Variants in MKLN1 observed in about 807,000 individuals in gnomAD.
MKLN1 encodes muskelin 1.
In MKLN1, 18 loss-of-function variants were observed where a neutral mutation model predicts 99.0. The observed-to-expected ratio is 0.18, with a 90% CI of 0.13 to 0.27. The LOEUF (loss-of-function observed/expected upper bound fraction) is 0.27, where lower values mean the gene tolerates loss of function less well. Ranked by LOEUF, MKLN1 falls within the 10% of genes least tolerant of loss-of-function variation. The pLI is 1.00. For synonymous variants in MKLN1, 288 were observed against 293.2 expected, an observed-to-expected ratio of 0.98 and a Z score of 0.18; for missense variants, 621 against 875.9, an observed-to-expected ratio of 0.71 and a Z score of 3.67.
intron 3 of MKLN1, among the ~76,000 whole-genome samples, chr7:131,227,574 CT>C (rs1234304095): frequency 1.2e-4 from 17 of 137,138 alleles, no homozygotes; most frequent in Admixed American, 4.6e-4. Context: ...CTCTTTCTTT[CT>C]TTTTTTTTGA....
At chr7:131,392,522 T>C (rs1018910978) in intron 4 of MKLN1, among the ~76,000 whole-genome samples, 3 of 152,196 alleles carry the variant, frequency 2.0e-5, no homozygotes, top group Non-Finnish European at 4.4e-5. Flanking sequence ...AGTATACTTA[T>C]GTCATTAAAT....
intron 3 of MKLN1, among the ~76,000 whole-genome samples, chr7:131,228,370 G>A (rs1223740814): frequency 1.3e-5 from 2 of 151,318 alleles, no homozygotes; most frequent in Non-Finnish European, 3.0e-5. Flanking sequence ...TGACCACCTC[G>A]GCCTCCCAAA....
intron 3 of MKLN1, among the ~76,000 whole-genome samples, chr7:131,275,548 TATATATATATATATATATA>T (rs1797950571): frequency 3.6e-4 from 7 of 19,706 alleles, no homozygotes; most frequent in African/African-American, 1.2e-3. Context: ...TATATATATA[TATATATATATATATATATA>T]TTTTTTTTTT....
At chr7:131,459,126 A>G (rs1024841451) in intron 12 of MKLN1, among the ~76,000 whole-genome samples, 4 of 152,222 alleles carry the variant, frequency 2.6e-5, no homozygotes, top group Non-Finnish European at 5.9e-5. Context: ...GTAAAAGGCT[A>G]TGATTTAATG....
chr7:131,237,690 T>A (rs1462878679), intron 3 of MKLN1, among the ~76,000 whole-genome samples: 1 of 152,078 alleles, frequency 6.6e-6, no homozygotes, highest in Non-Finnish European at 1.5e-5. Context: ...TGAGTACCCA[T>A]TGAGTAGGAA....
chr7:131,129,622 G>A (rs540923308), intron 1 of MKLN1, among the ~76,000 whole-genome samples: 1 of 152,314 alleles, frequency 6.6e-6, no homozygotes, highest in Non-Finnish European at 1.5e-5. Flanking sequence ...CACCCAGGCT[G>A]GAGTGCAGTG....
chr7:131,430,559 C>A (rs911617636), intron 9 of MKLN1, among the ~76,000 whole-genome samples: 1 of 152,038 alleles, frequency 6.6e-6, no homozygotes, highest in African/African-American at 2.4e-5. Flanking sequence ...ATCCTAAAAT[C>A]CTCCCTCTTC....
At chr7:131,394,828 G>C (rs1794308567) in intron 4 of MKLN1, among the ~76,000 whole-genome samples, 1 of 151,968 alleles carries the variant, frequency 6.6e-6, no homozygotes, top group Non-Finnish European at 1.5e-5. Context: ...CTGCATCAGT[G>C]AATCTGTTGT....
chr7:131,303,528 T>G (rs1172272703), intron 3 of MKLN1, among the ~76,000 whole-genome samples: 3 of 152,254 alleles, frequency 2.0e-5, no homozygotes, highest in African/African-American at 7.2e-5. Flanking sequence ...AATGACAAAG[T>G]TGTAATGAGT....
At chr7:131,398,879 TACCTGC>T (rs1794442949) in intron 5 of MKLN1, among the ~76,000 whole-genome samples, 1 of 152,228 alleles carries the variant, frequency 6.6e-6, no homozygotes, top group Non-Finnish European at 1.5e-5. Flanking sequence ...GTGCTCTCAG[TACCTGC>T]ATTGTAATGG....
chr7:131,325,902 G>C (rs1327077404), upstream of MKLN1, among the ~76,000 whole-genome samples: 1 of 127,062 alleles, frequency 7.9e-6, no homozygotes, highest in Non-Finnish European at 1.9e-5. Flanking sequence ...GAGAAAAGTG[G>C]GGGGGGGGTG....
intron 2 of MKLN1, among the ~76,000 whole-genome samples, chr7:131,146,220 T>C (rs1038730659): frequency 1.2e-4 from 19 of 152,154 alleles, no homozygotes; most frequent in Admixed American, 1.0e-3. Context: ...TACACGCTTA[T>C]AGTCCCAGAT....
intron 2 of MKLN1, among the ~76,000 whole-genome samples, chr7:131,147,605 A>T (rs1183587910): frequency 2.0e-5 from 3 of 152,174 alleles, no homozygotes; most frequent in Non-Finnish European, 4.4e-5. Context: ...GTAGTTATTG[A>T]CATCATCACC....
At chr7:131,120,170 CAAAAAAAA>C (rs34545571) in intron 1 of MKLN1, among the ~76,000 whole-genome samples, 5 of 76,498 alleles carry the variant, frequency 6.5e-5, no homozygotes, top group Non-Finnish European at 9.0e-5. Context: ...GACTCCATCT[CAAAAAAAA>C]AAAAAAAAAA....
chr7:131,460,228 T>C (rs893601743), intron 12 of MKLN1, among the ~76,000 whole-genome samples: 1 of 152,232 alleles, frequency 6.6e-6, no homozygotes, highest in African/African-American at 2.4e-5. Context: ...GTTGTTCTAT[T>C]TGTTCATCTA....
intron 3 of MKLN1, among the ~76,000 whole-genome samples, chr7:131,250,406 T>C (rs1176287461): frequency 6.6e-6 from 1 of 152,130 alleles, no homozygotes; most frequent in Non-Finnish European, 1.5e-5. Context: ...TCCCACTAGC[T>C]AGAGAGGAAG....
chr7:131,299,798 CTA>C (rs1168888120), intron 3 of MKLN1, among the ~76,000 whole-genome samples: 3 of 152,092 alleles, frequency 2.0e-5, no homozygotes, highest in Non-Finnish European at 4.4e-5. Flanking sequence ...CATAGGAATG[CTA>C]TGTTTTCTAG....
chr7:131,157,936 C>T (rs1457514941), intron 2 of MKLN1, among the ~76,000 whole-genome samples: 6 of 152,140 alleles, frequency 3.9e-5, no homozygotes, highest in African/African-American at 1.4e-4. Flanking sequence ...TGAGCAAGGG[C>T]ACTGCTAGCA....
At chr7:131,185,915 G>A (rs528079934) in intron 2 of MKLN1, among the ~76,000 whole-genome samples, 5 of 152,046 alleles carry the variant, frequency 3.3e-5, no homozygotes, top group African/African-American at 9.7e-5. Context: ...TCTGTGGGCC[G>A]GGGGTGGTGG....
Sources: allele counts gnomAD v4.1 joint callset (sites outside exome capture counted in the v4.1 genomes callset), GRCh38; gene constraint gnomAD v4.1.1; transcripts MANE v1.5; gene names NCBI Gene and HGNC (gene_info 2026-07-23, HGNC 2026-07-21).